The following RALYL variants were observed in gnomAD, a reference collection of about 807,000 sequenced individuals.
RALYL encodes RALY RNA binding protein like.
In RALYL, 29 loss-of-function variants were observed where a neutral mutation model predicts 35.1. The observed-to-expected ratio is 0.83, with a 90% CI of 0.61 to 1.13. RALYL has a LOEUF of 1.13. Ranked by LOEUF, RALYL falls within the 50% of genes most tolerant of loss-of-function variation. RALYL has a pLI of 0.00. For synonymous variants in RALYL, 120 were observed against 127.6 expected (o/e 0.94, Z 0.40); for missense variants, 359 against 360.4 (o/e 1.00, Z 0.03).
At chr8:84,466,583 A>G (rs1325387609) in intron 1 of RALYL, among the ~76,000 whole-genome samples, 1 of 150,718 alleles carries the variant, frequency 6.6e-6, no homozygotes, top group Non-Finnish European at 1.5e-5. Context: ...ATGTTCATCA[A>G]GGATATTGGT....
At chr8:84,715,418 A>T (rs1469041797) in intron 2 of RALYL, among the ~76,000 whole-genome samples, 1 of 151,946 alleles carries the variant, frequency 6.6e-6, no homozygotes, top group Admixed American at 6.6e-5. Context: ...AAATATGAAC[A>T]TTGAGTGGAG....
intron 1 of RALYL, among the ~76,000 whole-genome samples, chr8:84,240,389 C>G (rs912964467): frequency 6.6e-6 from 1 of 152,252 alleles, no homozygotes; most frequent in Non-Finnish European, 1.5e-5. Flanking sequence ...TCTAGAATAT[C>G]GAAAGTCTGG....
At chr8:84,423,002 G>T (rs1380669216) in intron 1 of RALYL, among the ~76,000 whole-genome samples, 2 of 148,672 alleles carry the variant, frequency 1.3e-5, no homozygotes, top group African/African-American at 5.0e-5. Context: ...GTGTGGTGTG[G>T]TGCTGAAAAA....
At chr8:84,257,319 A>T (rs955574852) in intron 1 of RALYL, among the ~76,000 whole-genome samples, 4 of 152,132 alleles carry the variant, frequency 2.6e-5, no homozygotes, top group African/African-American at 9.6e-5. Context: ...TTTATAGAGC[A>T]TTAGGTCACA....
At chr8:84,260,062 A>G (rs997276908) in intron 1 of RALYL, among the ~76,000 whole-genome samples, 1 of 152,182 alleles carries the variant, frequency 6.6e-6, no homozygotes, top group African/African-American at 2.4e-5. Context: ...TCTGGCAGCT[A>G]TACAAGAAGG....
intron 2 of RALYL, among the ~76,000 whole-genome samples, chr8:84,673,177 A>G (rs2131849670): frequency 6.6e-6 from 1 of 152,192 alleles, no homozygotes; most frequent in African/African-American, 2.4e-5. Context: ...CTTCTTTTGA[A>G]AAATGTCTGT....
chr8:84,535,602 ATTATTTTATTTTATTTTATTTTATT>A lies in RALYL; in HGVS notation c.256+6043_256+6067del, dbSNP rs71273903. ...AGGTGCCTGCCACCACGCCCGGCTA[ATTATTTTATTTTATTTTATTTTATT>A]TTATTTTATTTTATTTTTTGTATTT... On this transcript the variant is annotated intron_variant, in intron 2 of 8. Coordinates refer to ENST00000521268, the MANE Select transcript of RALYL (RefSeq NM_173848.7). 7.9e-5 allele frequency among the ~76,000 whole-genome samples: 11 copies of A among 138,434 alleles called. No homozygotes were observed. The East Asian group carries it at 1.9e-3, about 24-fold the overall frequency. The allele number at this position is 138,434 out of a possible 152,430, so 90.8% of individuals were successfully genotyped here. A position where few individuals can be genotyped will look rare whatever the true frequency, so the allele number is the denominator to read the frequency against.
rs142002117 is a variant in RALYL, at chr8:84,681,129, T to A, written c.257-93450T>A. Among the ~76,000 whole-genome samples, 749 of 152,326 alleles carry A rather than the reference T, an allele frequency of 4.9e-3. 7 individuals are homozygous for A. Among genetic ancestry groups the A allele is most frequent in the African/African-American group, 0.017 (715 of 41,552 alleles). On this transcript the variant is annotated intron_variant, in intron 2 of 8. Coordinates refer to ENST00000521268, the MANE Select transcript of RALYL (RefSeq NM_173848.7). Reference sequence around the variant, plus strand: ...GGGAATCCTTTCCCCATTTCTTGATTTTGTCAGGTTTGTCAAAGATCAGAT... The same window carrying A: ...GGGAATCCTTTCCCCATTTCTTGATATTGTCAGGTTTGTCAAAGATCAGAT...
In RALYL at chr8:84,279,275, A is replaced by G. The variant is rs939934379; in HGVS notation, c.-24+94851A>G. 2.6e-5 allele frequency among the ~76,000 whole-genome samples: 4 copies of G among 152,180 alleles called. No individual in the cohort carries two copies. In the East Asian group the frequency reaches 5.8e-4, roughly 22 times the overall value. The stretch of plus-strand genomic sequence containing the variant: ...GACATGTAGGGATTATTACAATTCA[A>G]GGTGAGATTTGGGTGGGGACACAGC... On this transcript the variant is annotated intron_variant, in intron 1 of 8. Transcript: ENST00000521268.
Position 84,363,345 on chromosome 8 carries a change from G to T in RALYL, c.-23-165954G>T, listed in dbSNP as rs1045019887. Among the ~76,000 whole-genome samples the T allele has an allele frequency of 3.3e-5, 5 of 152,310 alleles. No individual in the cohort carries two copies. The East Asian group carries it at 9.7e-4, about 29-fold the overall frequency. On this transcript the variant is annotated intron_variant, in intron 1 of 8. Transcript: ENST00000521268. ...AGGACTCAGAAACAGAAGGGAGATG[G>T]GGAAAAGGGGAGTTTGGATTAACTA...
chr8:84,795,841 T>C (rs904889568), intron 3 of RALYL, among the ~76,000 whole-genome samples: 3 of 152,184 alleles, frequency 2.0e-5, no homozygotes, highest in African/African-American at 7.2e-5. Flanking sequence ...CCTCTCAGCT[T>C]TAGAGCTCAC....
intron 1 of RALYL, among the ~76,000 whole-genome samples, chr8:84,396,556 G>A (rs1861797053): frequency 6.6e-6 from 1 of 152,126 alleles, no homozygotes; most frequent in Non-Finnish European, 1.5e-5. Context: ...AAGGAAAAAT[G>A]ACAGACACAG....
intron 1 of RALYL, among the ~76,000 whole-genome samples, chr8:84,297,822 CTTG>C (rs753980266): frequency 6.6e-6 from 1 of 151,860 alleles, no homozygotes; most frequent in Non-Finnish European, 1.5e-5. Flanking sequence ...TTTTTCATAT[CTTG>C]TTGTTTGCGT....
At chr8:84,652,043 C>A (rs899641479) in intron 2 of RALYL, among the ~76,000 whole-genome samples, 2 of 152,000 alleles carry the variant, frequency 1.3e-5, no homozygotes, top group Non-Finnish European at 2.9e-5. Context: ...AATCCAAAGG[C>A]CTAAAATGTC....
chr8:84,773,663 C>T (rs1361570135), intron 2 of RALYL, among the ~76,000 whole-genome samples: 2 of 152,192 alleles, frequency 1.3e-5, no homozygotes, highest in Non-Finnish European at 2.9e-5. Flanking sequence ...TATGTGCTCT[C>T]TTCTCATTTT....
intron 2 of RALYL, among the ~76,000 whole-genome samples, chr8:84,564,797 T>G (rs1233991817): frequency 6.6e-6 from 1 of 151,510 alleles, no homozygotes; most frequent in African/African-American, 2.4e-5. Flanking sequence ...TTAATTACCT[T>G]ACTTAGCAAT....
At chr8:84,304,604 T>G (rs1485856066) in intron 1 of RALYL, among the ~76,000 whole-genome samples, 1 of 148,142 alleles carries the variant, frequency 6.8e-6, no homozygotes, top group African/African-American at 2.6e-5. Context: ...AAGTTTACAC[T>G]ATTTTTTTTA....
intron 2 of RALYL, among the ~76,000 whole-genome samples, chr8:84,570,562 GC>G (rs1352017347): frequency 2.0e-5 from 3 of 151,820 alleles, no homozygotes; most frequent in Non-Finnish European, 4.4e-5. Flanking sequence ...CAATTTGGAT[GC>G]CTTTTATTTC....
At chr8:84,644,609 C>T (rs968148676) in intron 2 of RALYL, among the ~76,000 whole-genome samples, 14 of 152,022 alleles carry the variant, frequency 9.2e-5, no homozygotes, top group African/African-American at 3.4e-4. Flanking sequence ...ATGTTTCTGG[C>T]TTAAATTCTA....
Sources: allele counts gnomAD v4.1 joint callset (sites outside exome capture counted in the v4.1 genomes callset), GRCh38; gene constraint gnomAD v4.1.1; transcripts MANE v1.5; gene names NCBI Gene and HGNC (gene_info 2026-07-23, HGNC 2026-07-21).